Variants in LEFTY2 observed in about 807,000 individuals in gnomAD.
LEFTY2 encodes the protein TGF-beta-4.
A neutral mutation model predicts 26.4 loss-of-function variants in LEFTY2; 10 were observed. The ratio of observed to expected loss-of-function variants is 0.38; its 90% confidence interval spans 0.23 to 0.64. The LOEUF is 0.64. Among genes scored for constraint, LEFTY2 ranks in the 30% least tolerant of loss-of-function variants. The pLI, the probability that LEFTY2 is intolerant of heterozygous loss-of-function variation, is 0.56. For missense variants in LEFTY2, 407 were observed against 502.1 expected, an observed-to-expected ratio of 0.81 and a Z score of 1.81; for synonymous variants, 204 against 234.1, an observed-to-expected ratio of 0.87 and a Z score of 1.17.
At position 225,939,920 on chromosome 1, in the gene LEFTY2, G is replaced by A; in HGVS notation, c.333C>T (p.Ser111=). Residue 111 remains serine, a synonymous_variant, in exon 2 of 4, where the codon AGC becomes AGT. Transcript: ENST00000366820. The surrounding 1 kb of genome is among the most constrained non-coding windows in gnomAD (Gnocchi z 4.1). The stretch of plus-strand genomic sequence containing the variant: ...GCCGCAGCACGGCCTGCACCAGCTC[G>A]CTGTTGGGCGGCAGCCGCTGCTCCA... ...FGMEQRLPPN[S]ELVQAVLRLF... The A allele has an allele frequency of 6.3e-7, 1 of 1,582,026 alleles. No homozygotes were observed. The highest frequency in any genetic ancestry group is 8.5e-7 in the Non-Finnish European group (1 of 1,173,344).
In LEFTY2 at chr1:225,938,862, T is replaced by C. The variant is rs558838000; in HGVS notation, c.737+499A>G. On this transcript the variant is annotated intron_variant, in intron 3 of 3. Coordinates refer to ENST00000366820, the MANE Select transcript of LEFTY2 (RefSeq NM_003240.5). ...ATTTCTTTTTCTTTTCTTTTCTTTGTTTCCTTTTTTTTTTTTTTTTTTTGA... is the reference window on the plus strand; with the variant it reads ...ATTTCTTTTTCTTTTCTTTTCTTTGCTTCCTTTTTTTTTTTTTTTTTTTGA... Among the ~76,000 whole-genome samples, 73 of 108,914 alleles carry C rather than the reference T, an allele frequency of 6.7e-4. 1 individual carries two copies. In the East Asian group the frequency reaches 0.018, roughly 27 times the overall value. The allele number at this position is 108,914 out of a possible 152,430, so 71.5% of individuals were successfully genotyped here. A position where few individuals can be genotyped will look rare whatever the true frequency, so the allele number is the denominator to read the frequency against.
At position 225,937,695 on chromosome 1, in the gene LEFTY2, G is replaced by C. The variant is rs776993619; in HGVS notation, c.847C>G (p.Leu283Val). 6.2e-7 allele frequency: 1 copy of C among 1,613,596 alleles called. No individual in the cohort carries two copies. Among genetic ancestry groups the C allele is most frequent in the Admixed American group, 1.7e-5 (1 of 59,992 alleles). Residue 283 changes from leucine to valine, a missense_variant, in exon 4 of 4, where the codon CTG becomes GTG. Physicochemically the swap from Leu to Val is conservative, Grantham distance 32 (BLOSUM62 1). Transcript: ENST00000366820. Reference sequence around the variant, plus strand: ...TAAGCCAGGAAGCCCGGGGGCTCCAGCACCCAGTTCTTGGCCCACTTCATC... The same window carrying C: ...TAAGCCAGGAAGCCCGGGGGCTCCACCACCCAGTTCTTGGCCCACTTCATC... ...QGMKWAKNWV[L>V]EPPGFLAYEC... is the part of the protein sequence containing the mutation.
Position 225,939,568 on chromosome 1 carries a change from G to A in LEFTY2, c.530C>T (p.Ala177Val), listed in dbSNP as rs746976495. ...LVSVHESGWK[A>V]FDVTEAVNFW... ...GTTCACGGCCTCGGTCACGTCGAAG[G>A]CCTTCCAGCCGCTCTCGTGGACGGA... The change falls in exon 3 of 4, where the codon GCC becomes GTC. Residue 177 changes from alanine (A) to valine (V), a missense_variant. Ala to Val is a moderately conservative substitution (Grantham distance 64). Transcript: ENST00000366820. The surrounding 1 kb of genome is among the most constrained non-coding windows in gnomAD (Gnocchi z 4.1). The A allele has an allele frequency of 1.1e-5, 17 of 1,612,322 alleles. No individual in the cohort carries two copies. The African/African-American group carries it at 1.9e-4, about 18-fold the overall frequency.
In LEFTY2 at chr1:225,939,790, C is replaced by A. The variant is rs1448022427; in HGVS notation, c.463G>T (p.Asp155Tyr). 5.1e-6 allele frequency: 8 copies of A among 1,569,718 alleles called. No homozygotes were observed. The highest frequency in any genetic ancestry group is 2.3e-4 in the Middle Eastern group (1 of 4,430). ...VTVEWLRVRD[D>Y]GSNRTSLIDS... ...ATGAGGGAGGTGCGGTTGGAGCCGT[C>A]GTCGCGGACGCGCAGCCACTCGACG... The change falls in exon 2 of 4, where the codon GAC becomes TAC. Residue 155 changes from aspartate (D) to tyrosine (Y), a missense_variant. Asp to Tyr is a radical substitution (Grantham distance 160, BLOSUM62 -3). Coordinates refer to ENST00000366820, the MANE Select transcript of LEFTY2 (RefSeq NM_003240.5). The surrounding 1 kb of genome is among the most constrained non-coding windows in gnomAD (Gnocchi z 4.1).
In LEFTY2 at chr1:225,937,476, C is replaced by T. The variant is rs543472211; in HGVS notation, c.1066G>A (p.Asp356Asn). The T allele has an allele frequency of 1.3e-4, 212 of 1,614,094 alleles. No homozygotes were observed. The highest frequency in any genetic ancestry group is 1.5e-4 in the Non-Finnish European group (174 of 1,180,040). The change falls in exon 4 of 4, where the codon GAT becomes AAT. Residue 356 changes from aspartate (D) to asparagine (N), a missense_variant. Transcript: ENST00000366820. The stretch of plus-strand genomic sequence containing the variant: ...AGCCTCCTTGGCACGAGCGCCCCAT[C>T]CGAGGCACAGCTGCACTTCTGCACC... The part of the protein sequence containing the change: ...MRVQKCSCAS[D>N]GALVPRRLQP
chr1:225,940,010 C>T lies in LEFTY2; in HGVS notation c.251-8G>A. 1.3e-6 allele frequency: 2 copies of T among 1,595,796 alleles called. No homozygotes were observed. Among genetic ancestry groups the T allele is most frequent in the Non-Finnish European group, 1.7e-6 (2 of 1,179,566 alleles). ...GGAACCTGCCGGCCACCTCTGGGGA[C>T]AAGAGCAGGGTCAGCAGGGCCTCCC... is the stretch of plus-strand genomic sequence containing the variant. On this transcript the variant is annotated splice_region_variant and splice_polypyrimidine_tract_variant and intron_variant, in intron 1 of 3. Coordinates refer to ENST00000366820, the MANE Select transcript of LEFTY2 (RefSeq NM_003240.5).
chr1:225,937,640 G>A lies in LEFTY2; in HGVS notation c.902C>T (p.Pro301Leu), dbSNP rs200500383. ...TGGCCAATTGAAGGCCAGGGCCTCCGGGGGCTGCTGGCAGGTGCCCACACA... is the reference window on the plus strand; with the variant it reads ...TGGCCAATTGAAGGCCAGGGCCTCCAGGGGCTGCTGGCAGGTGCCCACACA... ...YECVGTCQQPPEALAFNWPFL... is the reference protein window; with the variant it reads ...YECVGTCQQPLEALAFNWPFL... The change falls in exon 4 of 4, where the codon CCG becomes CTG. Residue 301 changes from proline (P) to leucine (L), a missense_variant. By Grantham distance (98) the Pro-to-Leu change is moderately conservative. Coordinates refer to ENST00000366820, the MANE Select transcript of LEFTY2 (RefSeq NM_003240.5). 21 of 1,613,970 alleles carry A rather than the reference G, an allele frequency of 1.3e-5. No individual in the cohort carries two copies. Among genetic ancestry groups the A allele is most frequent in the East Asian group, 4.5e-5 (2 of 44,888 alleles).
In LEFTY2 at chr1:225,939,247, G is replaced by C. The variant is rs1672235212; in HGVS notation, c.737+114C>G. 5.3e-6 allele frequency: 8 copies of C among 1,504,500 alleles called. No individual in the cohort carries two copies. Among genetic ancestry groups the C allele is most frequent in the Admixed American group, 1.9e-5 (1 of 52,394 alleles). 93.2% of individuals were successfully genotyped at this position (1,504,500 alleles called of 1,614,324 possible). A position where few individuals can be genotyped will look rare whatever the true frequency, so the allele number is the denominator to read the frequency against. On this transcript the variant is annotated intron_variant, in intron 3 of 3. Coordinates refer to ENST00000366820, the MANE Select transcript of LEFTY2 (RefSeq NM_003240.5). The surrounding 1 kb of genome is among the most constrained non-coding windows in gnomAD (Gnocchi z 4.1). ...GGCATCCTGGGACAGTCTGCACCGC[G>C]CTCTCCCTACCCCTAGCCCACCGCC...
In LEFTY2 at chr1:225,937,583, T is replaced by C. The variant is rs751192279; in HGVS notation, c.959A>G (p.Glu320Gly). Reference protein sequence around the residue: ...FLGPRQCIASETASLPMIVSI... With the variant: ...FLGPRQCIASGTASLPMIVSI... ...GACGATCATGGGCAGCGAGGCAGTC[T>C]CCGAGGCGATACACTGTCGCGGCCC... is the stretch of plus-strand genomic sequence containing the variant. The change falls in exon 4 of 4, where the codon GAG (glutamate) becomes GGG (glycine). Residue 320 changes from glutamate to glycine, a missense_variant. Coordinates refer to ENST00000366820, the MANE Select transcript of LEFTY2 (RefSeq NM_003240.5). 6.2e-7 allele frequency: 1 copy of C among 1,614,044 alleles called. No homozygotes were observed. The highest frequency in any genetic ancestry group is 8.5e-7 in the Non-Finnish European group (1 of 1,180,032).
chr1:225,938,866 CTTTTTTTT>C (rs34986398), intron 3 of LEFTY2, among the ~76,000 whole-genome samples: 2 of 113,084 alleles, frequency 1.8e-5, no homozygotes, highest in Non-Finnish European at 3.4e-5. Context: ...TCTTTGTTTC[CTTTTTTTT>C]TTTTTTTTTT....
At chr1:225,938,037 CA>C (rs869052005) in intron 3 of LEFTY2, among the ~76,000 whole-genome samples, 9 of 149,294 alleles carry the variant, frequency 6.0e-5, no homozygotes. Context: ...AGGTACTTCA[CA>C]TGTATTATCT....
At position 225,939,898 on chromosome 1, in the gene LEFTY2, G is replaced by A. The variant is rs746371252; in HGVS notation, c.355C>T (p.Arg119Trp). Residue 119 changes from arginine to tryptophan, a missense_variant, in exon 2 of 4, where the codon CGG (arginine) becomes TGG (tryptophan). Coordinates refer to ENST00000366820, the MANE Select transcript of LEFTY2 (RefSeq NM_003240.5). The surrounding 1 kb of genome is among the most constrained non-coding windows in gnomAD (Gnocchi z 4.1). ...TTGGGGACCGGCTCCTGGAAGAGCCGCAGCACGGCCTGCACCAGCTCGCTG... is the reference window on the plus strand; with the variant it reads ...TTGGGGACCGGCTCCTGGAAGAGCCACAGCACGGCCTGCACCAGCTCGCTG... ...PNSELVQAVLRLFQEPVPKAA... is the reference protein window; with the variant it reads ...PNSELVQAVLWLFQEPVPKAA... 7 of 1,559,420 alleles carry A rather than the reference G, an allele frequency of 4.5e-6. No homozygotes were observed. Among genetic ancestry groups the A allele is most frequent in the Non-Finnish European group, 6.0e-6 (7 of 1,160,836 alleles).
In LEFTY2 at chr1:225,937,439, G is replaced by A. The variant is rs559861319; in HGVS notation, c.*2C>T. 4.0e-5 allele frequency: 65 copies of A among 1,613,846 alleles called. No individual in the cohort carries two copies. The highest frequency in any genetic ancestry group is 4.5e-5 in the East Asian group (2 of 44,904). On this transcript the variant is annotated 3_prime_UTR_variant, in exon 4 of 4. Transcript: ENST00000366820. ...AGAGGGCTCAATGGATACACCAGGC[G>A]CCTATGGCTGGAGCCTCCTTGGCAC...
Position 225,937,621 on chromosome 1 carries a change from A to C in LEFTY2, c.921T>G (p.Asn307Lys), listed in dbSNP as rs1234853747. The C allele has an allele frequency of 3.1e-6, 5 of 1,614,142 alleles. No homozygotes were observed. Among genetic ancestry groups the C allele is most frequent in the South Asian group, 2.2e-5 (2 of 91,082 alleles). Residue 307 changes from asparagine (N) to lysine (K), a missense_variant, in exon 4 of 4, where the codon AAT becomes AAG. Coordinates refer to ENST00000366820, the MANE Select transcript of LEFTY2 (RefSeq NM_003240.5). Reference sequence around the variant, plus strand: ...ACTGTCGCGGCCCCAGAAATGGCCAATTGAAGGCCAGGGCCTCCGGGGGCT... The same window carrying C: ...ACTGTCGCGGCCCCAGAAATGGCCACTTGAAGGCCAGGGCCTCCGGGGGCT... ...CQQPPEALAF[N>K]WPFLGPRQCI...
intron 3 of LEFTY2, among the ~76,000 whole-genome samples, chr1:225,938,335 G>A (rs1272793306): frequency 6.6e-6 from 1 of 152,262 alleles, no homozygotes; most frequent in Admixed American, 6.5e-5. Context: ...ATTTTTCAAA[G>A]ATTTAATCAT....
At chr1:225,938,870 T>C (rs1316251766) in intron 3 of LEFTY2, among the ~76,000 whole-genome samples, 4 of 140,532 alleles carry the variant, frequency 2.8e-5, no homozygotes, top group Non-Finnish European at 4.6e-5. Context: ...TGTTTCCTTT[T>C]TTTTTTTTTT....
In LEFTY2 at chr1:225,939,461, A is replaced by C. The variant is rs754114719; in HGVS notation, c.637T>G (p.Ser213Ala). The stretch of plus-strand genomic sequence containing the variant: ...AAGCGGACCAGCTTGTGGGCGCCGG[A>C]CGCCAGCGGGCCCAGATGCTCCCTC... ...VQREHLGPLASGAHKLVRFAS... is the reference protein window; with the variant it reads ...VQREHLGPLAAGAHKLVRFAS... Residue 213 changes from serine to alanine, a missense_variant, in exon 3 of 4, where the codon TCC becomes GCC. By Grantham distance (99) the Ser-to-Ala change is moderately conservative (BLOSUM62 1). Coordinates refer to ENST00000366820, the MANE Select transcript of LEFTY2 (RefSeq NM_003240.5). This position sits in a 1 kb window ranked among gnomAD's most constrained non-coding sequence, Gnocchi z 4.1. 1.2e-6 allele frequency: 2 copies of C among 1,610,620 alleles called. No homozygotes were observed.
Position 225,940,782 on chromosome 1 carries a change from C to T in LEFTY2, c.250+109G>A, listed in dbSNP as rs957572139. Reference sequence around the variant, plus strand: ...TCCTTGGACCGTGGCCCTCACACAGCCTCCCACAGAGTCCCAAAAGGCCAG... The same window carrying T: ...TCCTTGGACCGTGGCCCTCACACAGTCTCCCACAGAGTCCCAAAAGGCCAG... On this transcript the variant is annotated intron_variant, in intron 1 of 3. Transcript: ENST00000366820. The T allele has an allele frequency of 6.5e-6, 10 of 1,535,892 alleles. No individual in the cohort carries two copies. The African/African-American group carries it at 1.1e-4, about 17-fold the overall frequency.
At chr1:225,938,388 T>C (rs1672209596) in intron 3 of LEFTY2, among the ~76,000 whole-genome samples, 1 of 152,270 alleles carries the variant, frequency 6.6e-6, no homozygotes, top group African/African-American at 2.4e-5. Flanking sequence ...ATCGTGTATA[T>C]GGAGTCAATG....
Sources: gnomAD v4.1 joint callset for allele counts (sites outside exome capture counted in the v4.1 genomes callset) on GRCh38, gnomAD v4.1.1 for gene constraint, Gnocchi (gnomAD v3.1) non-coding constraint, MANE v1.5 for transcripts, NCBI Gene and HGNC (gene_info 2026-07-23, HGNC 2026-07-21) for gene names.